DRAXIN: variants seen among roughly 807,000 people sequenced by gnomAD.
DRAXIN encodes dorsal inhibitory axon guidance protein.
DRAXIN carries 27 observed loss-of-function variants against 33.9 expected under a neutral mutation model. The observed-to-expected ratio is 0.80, with a 90% CI of 0.59 to 1.10. DRAXIN has a LOEUF of 1.10. Ranked by LOEUF, DRAXIN falls within the 50% of genes least tolerant of loss-of-function variation. The pLI is 0.00. For synonymous variants in DRAXIN, 178 were observed against 194.0 expected, an observed-to-expected ratio of 0.92 and a Z score of 0.69; for missense variants, 371 against 460.8, an observed-to-expected ratio of 0.81 and a Z score of 1.78.
rs1199387248 is a variant in DRAXIN at position 11,692,128 on chromosome 1, C to A, written c.-11+275C>A. On this transcript the variant is annotated intron_variant, in intron 1 of 6. Coordinates refer to ENST00000294485, the MANE Select transcript of DRAXIN (RefSeq NM_198545.4). The surrounding 1 kb of genome is among the most constrained non-coding windows in gnomAD (Gnocchi z 5.8). Reference sequence around the variant, plus strand: ...ACCGCTGGACGCCCACTTTTCCACGCTCTGACACTCGGCCTCGCGCGCGCC... The same window carrying A: ...ACCGCTGGACGCCCACTTTTCCACGATCTGACACTCGGCCTCGCGCGCGCC... Among the ~76,000 whole-genome samples the A allele has an allele frequency of 1.3e-5, 2 of 152,058 alleles. No individual in the cohort carries two copies. Among genetic ancestry groups the A allele is most frequent in the Non-Finnish European group, 2.9e-5 (2 of 67,990 alleles).
rs1641193674 is a variant in DRAXIN at position 11,696,471 on chromosome 1, A to G, written c.-11+4618A>G. 6.6e-6 allele frequency among the ~76,000 whole-genome samples: 1 copy of G among 152,148 alleles called. No individual in the cohort carries two copies. The highest frequency in any genetic ancestry group is 1.5e-5 in the Non-Finnish European group (1 of 68,010). On this transcript the variant is annotated intron_variant, in intron 1 of 6. Coordinates refer to ENST00000294485, the MANE Select transcript of DRAXIN (RefSeq NM_198545.4). The surrounding 1 kb of genome is among the most constrained non-coding windows in gnomAD (Gnocchi z 4.7). Reference sequence around the variant, plus strand: ...CATGGTGGTGGGAGCCTGTAATCCCAGTTACTCGGAAGGCTGAGGCAGGAG... The same window carrying G: ...CATGGTGGTGGGAGCCTGTAATCCCGGTTACTCGGAAGGCTGAGGCAGGAG...
At chr1:11,718,315 CA>C (rs759545157) in intron 6 of DRAXIN, among the ~76,000 whole-genome samples, 35,631 of 93,220 alleles carry the variant, frequency 0.38, 4,130 homozygotes, top group African/African-American at 0.53. Flanking sequence ...AACTCCATCT[CA>C]AAAAAAAAAA....
intron 1 of DRAXIN, among the ~76,000 whole-genome samples, chr1:11,702,259 A>G (rs1641303245): frequency 6.6e-6 from 1 of 150,598 alleles, no homozygotes; most frequent in Non-Finnish European, 1.5e-5. Context: ...ACACACATGC[A>G]CATACACACC....
Position 11,713,167 on chromosome 1 carries a change from C to CA in DRAXIN, c.847+739dup, listed in dbSNP as rs201728630. ...GAGCTGAGATCGTGCCATTGCACTC[C>CA]AGCCTGGGCAATAAGAGTGAAATTC... On this transcript the variant is annotated intron_variant, in intron 5 of 6. Coordinates refer to ENST00000294485, the MANE Select transcript of DRAXIN (RefSeq NM_198545.4). Among the ~76,000 whole-genome samples, 937 of 151,122 alleles carry CA rather than the reference C, an allele frequency of 6.2e-3. 18 individuals carry two copies. The highest frequency in any genetic ancestry group is 0.04 in the Admixed American group (611 of 15,142).
intron 6 of DRAXIN, among the ~76,000 whole-genome samples, chr1:11,718,109 G>A (rs1193057862): frequency 7.0e-6 from 1 of 142,878 alleles, no homozygotes; most frequent in Non-Finnish European, 1.5e-5. Flanking sequence ...TTCAAGACCA[G>A]CCTGGCCAAC....
chr1:11,712,068 T>C, intron 4 of DRAXIN, 103 bp downstream of exon 4: 1 of 1,148,012 alleles, frequency 8.7e-7, no homozygotes, highest in Non-Finnish European at 1.3e-6. Context: ...TCTTCAGATG[T>C]CCAAAGGTGG....
chr1:11,701,203 G>A (rs1557687748), intron 1 of DRAXIN, among the ~76,000 whole-genome samples: 2 of 152,176 alleles, frequency 1.3e-5, no homozygotes, highest in Non-Finnish European at 2.9e-5. Context: ...CTCACCGCGA[G>A]GATGAGCGGC....
chr1:11,709,983 GAGAC>G (rs1641450837), intron 3 of DRAXIN, among the ~76,000 whole-genome samples: 1 of 151,936 alleles, frequency 6.6e-6, no homozygotes, highest in East Asian at 1.9e-4. Flanking sequence ...TCAGGAGTTC[GAGAC>G]CAGCCTGGCC....
At chr1:11,700,892 A>G (rs1641263194) in intron 1 of DRAXIN, among the ~76,000 whole-genome samples, 1 of 152,218 alleles carries the variant, frequency 6.6e-6, no homozygotes, top group Admixed American at 6.5e-5. Flanking sequence ...AGCTGTCCCG[A>G]GAAGCCTGGT....
intron 6 of DRAXIN, among the ~76,000 whole-genome samples, chr1:11,717,711 G>A (rs1393014944): frequency 4.7e-5 from 7 of 147,708 alleles, no homozygotes; most frequent in South Asian, 2.2e-4. Context: ...GAGGCCAGGC[G>A]GGGTGGTTCA....
rs943298981 is a variant in DRAXIN, at chr1:11,705,369, T to C, written c.-10-880T>C. 2.0e-5 allele frequency among the ~76,000 whole-genome samples: 3 copies of C among 151,764 alleles called. No homozygotes were observed. The highest frequency in any genetic ancestry group is 2.9e-5 in the Non-Finnish European group (2 of 67,918). On this transcript the variant is annotated intron_variant, in intron 1 of 6. Transcript: ENST00000294485. This position sits in a 1 kb window ranked among gnomAD's most constrained non-coding sequence, Gnocchi z 4.8. ...TGAGCTGCAGCTTCTCCCTCCAGTG[T>C]GGAGGGAGGGCACTGGGTCCCCTGA... is the stretch of plus-strand genomic sequence containing the variant.
At chr1:11,691,977 G>A (rs1570301521) in intron 1 of DRAXIN, 124 bp downstream of exon 1, 1 of 152,026 alleles carries the variant, frequency 6.6e-6, no homozygotes, top group African/African-American at 2.4e-5. Flanking sequence ...GAGGCTGGAA[G>A]TGAGGATGCT....
chr1:11,715,737 T>C (rs2100743271), intron 6 of DRAXIN, among the ~76,000 whole-genome samples: 1 of 152,282 alleles, frequency 6.6e-6, no homozygotes, highest in Admixed American at 6.5e-5. Context: ...TGCTGAGCAC[T>C]TTTCTACTGA....
At chr1:11,702,726 T>C (rs1641315737) in intron 1 of DRAXIN, among the ~76,000 whole-genome samples, 1 of 151,354 alleles carries the variant, frequency 6.6e-6, no homozygotes, top group East Asian at 1.9e-4. Flanking sequence ...TTATTTATGA[T>C]CTTCTGCCGA....
chr1:11,708,047 C>A (rs559650068), intron 2 of DRAXIN, among the ~76,000 whole-genome samples: 1 of 152,252 alleles, frequency 6.6e-6, no homozygotes, highest in African/African-American at 2.4e-5. Context: ...GAGAACCCCC[C>A]AAGAGGGCAG....
In DRAXIN at chr1:11,694,933, AG is replaced by A. The variant is rs1641167362; in HGVS notation, c.-11+3084del. ...ACTTCTCTTGATGGGATGGGGTTGA[AG>A]GGGTGGTTATGAGGGATGAGGCTCC... is the stretch of plus-strand genomic sequence containing the variant. On this transcript the variant is annotated intron_variant, in intron 1 of 6. Transcript: ENST00000294485. The surrounding 1 kb of genome is among the most constrained non-coding windows in gnomAD (Gnocchi z 4.9). Among the ~76,000 whole-genome samples, 1 of 152,156 alleles carries A rather than the reference AG, an allele frequency of 6.6e-6. No homozygotes were observed. The highest frequency in any genetic ancestry group is 2.1e-4 in the South Asian group (1 of 4,830).
intron 3 of DRAXIN, among the ~76,000 whole-genome samples, chr1:11,710,758 CAAA>C (rs1222886420): frequency 9.5e-6 from 1 of 105,258 alleles, no homozygotes; most frequent in African/African-American, 3.5e-5. Flanking sequence ...ACTAAAAATA[CAAA>C]AAAAAAAAAA....
upstream of DRAXIN, among the ~76,000 whole-genome samples, chr1:11,691,167 G>C (rs535385805): frequency 7.0e-3 from 1,055 of 151,470 alleles, 2 homozygotes; most frequent in Non-Finnish European, 0.012. Flanking sequence ...CCCCCGCCCT[G>C]GGCATTTCTT....
At chr1:11,715,092 G>A (rs948695484) in intron 5 of DRAXIN, 27 bp from the exon 6 acceptor site, 29 of 1,613,762 alleles carry the variant, frequency 1.8e-5, no homozygotes, top group Non-Finnish European at 2.4e-5. Context: ...CAGCTTGGCT[G>A]ACTGCGTGTG....
Sources: gnomAD v4.1 joint callset for allele counts (sites outside exome capture counted in the v4.1 genomes callset) on GRCh38, gnomAD v4.1.1 for gene constraint, Gnocchi (gnomAD v3.1) non-coding constraint, MANE v1.5 for transcripts, NCBI Gene and HGNC (gene_info 2026-07-23, HGNC 2026-07-21) for gene names.